The following LINC00632 variants were observed in gnomAD, a reference collection of about 807,000 sequenced individuals.
The protein encoded by LINC00632 is long independently transcribed non-coding RNA 632.
intron 2 of LINC00632, among the ~76,000 whole-genome samples, chrX:140,729,156 C>A (rs190029647): frequency 9.0e-6 from 1 of 110,861 alleles, no homozygotes; most frequent in Non-Finnish European, 1.9e-5. Context: ...GCACACAGAG[C>A]GGTCCTATAG....
intron 3 of LINC00632, among the ~76,000 whole-genome samples, chrX:140,752,124 A>G (rs757440565): frequency 2.7e-5 from 3 of 111,492 alleles, no homozygotes; most frequent in African/African-American, 6.5e-5. Flanking sequence ...CTTTTCCTCA[A>G]TTGGGCTGTT....
At chrX:140,777,031 AAC>A (rs1931880512) in exon 5 of LINC00632, among the ~76,000 whole-genome samples, 1 of 108,658 alleles carries the variant, frequency 9.2e-6, no homozygotes, top group African/African-American at 3.4e-5. Context: ...TCAGCAAACT[AAC>A]ACAGGAACAG....
At chrX:140,752,804 C>T (rs765403441) in intron 3 of LINC00632, among the ~76,000 whole-genome samples, 1 of 111,372 alleles carries the variant, frequency 9.0e-6, no homozygotes, top group African/African-American at 3.3e-5. Context: ...TACATCTACT[C>T]AAAATGATAT....
At chrX:140,750,540 A>C (rs1211584725) in intron 3 of LINC00632, among the ~76,000 whole-genome samples, 2 of 111,385 alleles carry the variant, frequency 1.8e-5, no homozygotes, top group African/African-American at 6.5e-5. Context: ...GTTTCAATAA[A>C]GCATCATATA....
intron 2 of LINC00632, among the ~76,000 whole-genome samples, chrX:140,724,873 C>CCA (rs1930900273): frequency 2.8e-5 from 2 of 70,542 alleles, no homozygotes; most frequent in African/African-American, 1.2e-4. Flanking sequence ...CAGACACATT[C>CCA]CATACACACA....
intron 3 of LINC00632, among the ~76,000 whole-genome samples, chrX:140,746,761 A>G (rs1195806408): frequency 8.9e-6 from 1 of 112,143 alleles, no homozygotes; most frequent in East Asian, 2.8e-4. Flanking sequence ...GCTTGCTGGG[A>G]GCAACTAATG....
At chrX:140,779,916 G>C (rs1931912567) in exon 5 of LINC00632, among the ~76,000 whole-genome samples, 1 of 111,011 alleles carries the variant, frequency 9.0e-6, no homozygotes, top group African/African-American at 3.3e-5. Flanking sequence ...CCTCTTTTTG[G>C]GTGAGTGGTG....
At chrX:140,783,423 A>G in exon 5 of LINC00632, 1 of 574,435 alleles carries the variant, frequency 1.7e-6, no homozygotes, top group Non-Finnish European at 2.7e-6. Flanking sequence ...CAGATCTTCC[A>G]GGAAAATCCA....
chrX:140,716,780 T>TACAC (rs200811174), intron 2 of LINC00632, among the ~76,000 whole-genome samples: 9,181 of 89,682 alleles, frequency 0.1, 368 homozygotes, highest in Middle Eastern at 0.15. Context: ...GCCCACAACA[T>TACAC]ACACACACAC....
intron 3 of LINC00632, among the ~76,000 whole-genome samples, chrX:140,742,877 G>GAGAGAAAGGAAGGA (rs1209141726): frequency 1.1e-5 from 1 of 94,410 alleles, no homozygotes; most frequent in African/African-American, 4.1e-5. Flanking sequence ...GAGAGAGAGA[G>GAGAGAAAGGAAGGA]AGGAAGGAAG....
intron 2 of LINC00632, among the ~76,000 whole-genome samples, chrX:140,716,746 C>G (rs754483044): frequency 9.5e-6 from 1 of 104,840 alleles, no homozygotes; most frequent in Non-Finnish European, 1.9e-5. Context: ...TGTGTTGTAC[C>G]CAACCTCACC....
chrX:140,783,633 A>C (rs868748648), exon 5 of LINC00632: 1 of 1,208,850 alleles, frequency 8.3e-7, no homozygotes, highest in African/African-American at 1.7e-5. Flanking sequence ...CTTCCAGTCA[A>C]TCAGTGTCTT....
intron 2 of LINC00632, among the ~76,000 whole-genome samples, chrX:140,722,942 G>A (rs942621559): frequency 3.7e-5 from 4 of 107,215 alleles, no homozygotes; most frequent in Admixed American, 9.9e-5. Flanking sequence ...CCAGCTACTC[G>A]GGAGGCTGAG....
At chrX:140,784,313 G>C in exon 5 of LINC00632, 1 of 1,210,787 alleles carries the variant, frequency 8.3e-7, no homozygotes, top group Non-Finnish European at 1.1e-6. Flanking sequence ...ACAAAGGTAT[G>C]TCTTCCAACA....
rs190770534 is a variant in LINC00632, at chrX:140,769,484, C to A, written n.192-2594C>A. 4.7e-4 allele frequency among the ~76,000 whole-genome samples: 52 copies of A among 109,663 alleles called. No individual in the cohort carries two copies. The South Asian group carries it at 0.01, about 22-fold the overall frequency. ...TCGGTTTTTTCTCCACCCCACCCCC[C>A]CCATGAAAGCAAATTTTCCATACAT... On this transcript the variant is annotated intron_variant and non_coding_transcript_variant, in intron 3 of 4. Transcript: ENST00000648200.
At chrX:140,786,087 G>A (rs1426823973) in exon 5 of LINC00632, among the ~76,000 whole-genome samples, 1 of 111,904 alleles carries the variant, frequency 8.9e-6, no homozygotes, top group Non-Finnish European at 1.9e-5. Context: ...TGAAAAGCAT[G>A]AAAACCACAT....
exon 5 of LINC00632, chrX:140,784,112 CAT>C: frequency 8.3e-7 from 1 of 1,209,852 alleles, no homozygotes; most frequent in Non-Finnish European, 1.1e-6. Context: ...CCAGACTATC[CAT>C]GTCTTCCAGA....
intron 3 of LINC00632, among the ~76,000 whole-genome samples, chrX:140,745,083 T>C (rs1300856408): frequency 1.8e-5 from 2 of 110,796 alleles, no homozygotes; most frequent in African/African-American, 6.6e-5. Flanking sequence ...GGTGATGATA[T>C]AGTCTTAAGA....
At chrX:140,746,075 TATTTG>T (rs754830187) in intron 3 of LINC00632, among the ~76,000 whole-genome samples, 1 of 112,312 alleles carries the variant, frequency 8.9e-6, no homozygotes, top group East Asian at 2.8e-4. Flanking sequence ...AGAAAATATT[TATTTG>T]ATTAACAAAC....
Sources: allele counts gnomAD v4.1 joint callset (sites outside exome capture counted in the v4.1 genomes callset), GRCh38; gene constraint gnomAD v4.1.1; transcripts MANE v1.5; gene names NCBI Gene and HGNC (gene_info 2026-07-23, HGNC 2026-07-21).